Variants in NLGN1 observed in about 807,000 individuals in gnomAD.
NLGN1 encodes neuroligin 1.
In NLGN1, 12 loss-of-function variants were observed where a neutral mutation model predicts 65.5. That is an observed-to-expected ratio of 0.18 (90% CI 0.12 to 0.30). NLGN1 has a LOEUF of 0.30. Ranked by LOEUF, NLGN1 falls within the 10% of genes least tolerant of loss-of-function variation. The pLI is 1.00. For synonymous variants in NLGN1, 350 were observed against 359.5 expected, an observed-to-expected ratio of 0.97 and a Z score of 0.30; for missense variants, 750 against 1,007.1, an observed-to-expected ratio of 0.74 and a Z score of 3.46.
chr3:174,037,044 T>C (rs1158049671), intron 4 of NLGN1, among the ~76,000 whole-genome samples: 1 of 152,170 alleles, frequency 6.6e-6, no homozygotes, highest in Non-Finnish European at 1.5e-5. Context: ...CTGTCGTAAA[T>C]AGTGCTTCAA....
chr3:173,683,303 C>T (rs544041652), intron 3 of NLGN1, among the ~76,000 whole-genome samples: 39 of 152,220 alleles, frequency 2.6e-4, no homozygotes, highest in African/African-American at 9.1e-4. Flanking sequence ...CTCTTCCCCC[C>T]ATGGCATAAA....
chr3:174,229,347 A>G (rs751906130), intron 4 of NLGN1, among the ~76,000 whole-genome samples: 2 of 152,130 alleles, frequency 1.3e-5, no homozygotes, highest in African/African-American at 2.4e-5. Flanking sequence ...GTTTCCTCAT[A>G]TGAAAATGAG....
At chr3:174,265,283 C>T (rs1348635203) in intron 4 of NLGN1, among the ~76,000 whole-genome samples, 3 of 151,726 alleles carry the variant, frequency 2.0e-5, no homozygotes, top group Non-Finnish European at 4.4e-5. Flanking sequence ...CCCAGCCTCG[C>T]TGCCGCCTTG....
intron 4 of NLGN1, among the ~76,000 whole-genome samples, chr3:174,059,195 G>A (rs1339357475): frequency 3.9e-5 from 6 of 152,022 alleles, no homozygotes; most frequent in Admixed American, 1.3e-4. Context: ...AGAGCCTGAC[G>A]GGGTAAATGG....
chr3:174,034,377 A>T (rs9856932), intron 4 of NLGN1, among the ~76,000 whole-genome samples: 4,232 of 152,154 alleles, frequency 0.028, 158 homozygotes, highest in African/African-American at 0.08. Flanking sequence ...GATCTACATT[A>T]AAAAAGAGCA....
intron 4 of NLGN1, among the ~76,000 whole-genome samples, chr3:174,265,455 G>C (rs552469463): frequency 1.3e-5 from 2 of 152,168 alleles, no homozygotes; most frequent in South Asian, 2.1e-4. Flanking sequence ...AGGTGCGTCC[G>C]TCACCCCTTT....
At chr3:173,904,917 G>C (rs1487111239) in intron 4 of NLGN1, among the ~76,000 whole-genome samples, 1 of 152,190 alleles carries the variant, frequency 6.6e-6, no homozygotes, top group African/African-American at 2.4e-5. Context: ...TTCCAAGGGA[G>C]AGGGCCAACC....
intron 3 of NLGN1, among the ~76,000 whole-genome samples, chr3:173,779,137 A>G (rs13322442): frequency 0.86 from 130,205 of 151,710 alleles, 56,808 homozygotes; most frequent in African/African-American, 0.94. Flanking sequence ...TGCAGAAAAA[A>G]TGGTATTTTG....
intron 2 of NLGN1, among the ~76,000 whole-genome samples, chr3:173,448,399 C>T (rs1191340212): frequency 4.6e-5 from 7 of 152,108 alleles, no homozygotes; most frequent in African/African-American, 9.7e-5. Flanking sequence ...GCCTTGCATC[C>T]GAGGGATGAA....
chr3:174,156,520 A>T (rs1446236957), intron 4 of NLGN1, among the ~76,000 whole-genome samples: 1 of 151,880 alleles, frequency 6.6e-6, no homozygotes, highest in African/African-American at 2.4e-5. Context: ...GTCATTTGTC[A>T]GGGAAAAGTG....
chr3:174,218,679 A>G lies in NLGN1; in HGVS notation c.647-56636A>G, dbSNP rs150403927. ...AGAACCCTCTCTGGAAAATTGCATC[A>G]GGACAGCATGATTGAGGCCTTGTTT... On this transcript the variant is annotated intron_variant, in intron 4 of 6. Transcript: ENST00000457714. 6.3e-3 allele frequency among the ~76,000 whole-genome samples: 964 copies of G among 152,226 alleles called. 7 individuals are homozygous for G. The highest frequency in any genetic ancestry group is 0.019 in the African/African-American group (789 of 41,550).
At chr3:173,682,140 A>G (rs1168603336) in intron 3 of NLGN1, among the ~76,000 whole-genome samples, 6 of 152,174 alleles carry the variant, frequency 3.9e-5, no homozygotes, top group Non-Finnish European at 7.3e-5. Flanking sequence ...GAATAATAGT[A>G]GTGCCCACAT....
At chr3:174,167,835 C>T (rs1727809275) in intron 4 of NLGN1, among the ~76,000 whole-genome samples, 1 of 151,872 alleles carries the variant, frequency 6.6e-6, no homozygotes, top group Non-Finnish European at 1.5e-5. Context: ...CTCAGAAATG[C>T]CAATAATTAA....
At chr3:173,769,787 G>C (rs2150255490) in intron 3 of NLGN1, among the ~76,000 whole-genome samples, 1 of 152,244 alleles carries the variant, frequency 6.6e-6, no homozygotes. Context: ...AAATGAACAG[G>C]GAGGGTCTTA....
chr3:174,041,414 T>C (rs1019772265), intron 4 of NLGN1, among the ~76,000 whole-genome samples: 1 of 152,172 alleles, frequency 6.6e-6, no homozygotes, highest in Admixed American at 6.6e-5. Flanking sequence ...GAAAGCAGTT[T>C]GAGACTATTA....
chr3:173,404,190 A>G (rs935467762), intron 1 of NLGN1, among the ~76,000 whole-genome samples: 8 of 152,176 alleles, frequency 5.3e-5, no homozygotes, highest in African/African-American at 1.4e-4. Context: ...TAGAATTCTA[A>G]TAACCTCATT....
chr3:174,272,710 T>G (rs201974327), intron 4 of NLGN1, among the ~76,000 whole-genome samples: 34 of 137,792 alleles, frequency 2.5e-4, no homozygotes, highest in East Asian at 1.7e-3. Context: ...TAGATAGATA[T>G]AGATAGATAG....
downstream of NLGN1, among the ~76,000 whole-genome samples, chr3:174,288,501 T>C (rs1005524887): frequency 1.3e-5 from 2 of 151,502 alleles, no homozygotes; most frequent in Non-Finnish European, 3.0e-5. Flanking sequence ...TGCTCTTTTT[T>C]TTTCTTTTTA....
At chr3:173,517,716 A>G (rs1734031278) in intron 2 of NLGN1, among the ~76,000 whole-genome samples, 2 of 152,062 alleles carry the variant, frequency 1.3e-5, no homozygotes, top group African/African-American at 4.8e-5. Flanking sequence ...AGTCAGCAGC[A>G]TAATGCACTT....
Sources: gnomAD v4.1 joint callset for allele counts (sites outside exome capture counted in the v4.1 genomes callset) on GRCh38, gnomAD v4.1.1 for gene constraint, MANE v1.5 for transcripts, NCBI Gene and HGNC (gene_info 2026-07-23, HGNC 2026-07-21) for gene names.